Variants in GUCY1A2 observed in about 807,000 individuals in gnomAD.
GUCY1A2 encodes the protein guanylate cyclase soluble subunit alpha-2.
In GUCY1A2, 27 loss-of-function variants were observed where a neutral mutation model predicts 63.5. The observed-to-expected ratio is 0.43, with a 90% CI of 0.31 to 0.59. GUCY1A2 has a LOEUF of 0.59. GUCY1A2 is among the 20% of genes least tolerant of loss of function. The pLI is 0.11. For synonymous variants in GUCY1A2, 364 were observed against 343.5 expected (o/e 1.06, Z -0.66); for missense variants, 768 against 913.3 (o/e 0.84, Z 2.05).
chr11:106,836,486 C>T (rs538491059), intron 4 of GUCY1A2, among the ~76,000 whole-genome samples: 1 of 152,102 alleles, frequency 6.6e-6, no homozygotes, highest in African/African-American at 2.4e-5. Flanking sequence ...CCGCAATATA[C>T]AGTACGTATA....
chr11:106,710,349 A>G (rs1367765638), intron 6 of GUCY1A2, among the ~76,000 whole-genome samples: 3 of 95,400 alleles, frequency 3.1e-5, no homozygotes, highest in African/African-American at 1.3e-4. Context: ...ATATAGTTAT[A>G]TATTATATAC....
rs548246722 is a variant in GUCY1A2, at chr11:107,003,162, T to C, written c.303+14591A>G. ...TATCAAATGTCTTGAGTCAGAGATG[T>C]ATGCCGACAATATCCTTTGTTTACT... On this transcript the variant is annotated intron_variant, in intron 1 of 7. Coordinates refer to ENST00000526355, the MANE Select transcript of GUCY1A2 (RefSeq NM_000855.3). 3.3e-5 allele frequency among the ~76,000 whole-genome samples: 5 copies of C among 152,316 alleles called. No homozygotes were observed. The South Asian group carries it at 1.0e-3, about 32-fold the overall frequency.
chr11:106,685,685 T>A lies in GUCY1A2; in HGVS notation c.*1864A>T, dbSNP rs571035227. 6 of 228,098 alleles carry A rather than the reference T, an allele frequency of 2.6e-5. No homozygotes were observed. The highest frequency in any genetic ancestry group is 1.7e-4 in the Admixed American group (3 of 17,600). The allele number at this position is 228,098 out of a possible 1,614,324, so 14.1% of individuals were successfully genotyped here. ...CATGAGGATTGAGGTGCTCCCAGTCTGCTCTGCTCATACTGGCTGTAAACC... is the reference window on the plus strand; with the variant it reads ...CATGAGGATTGAGGTGCTCCCAGTCAGCTCTGCTCATACTGGCTGTAAACC... On this transcript the variant is annotated 3_prime_UTR_variant, in exon 8 of 8. Transcript: ENST00000526355.
chr11:106,881,993 G>C (rs919007747), intron 4 of GUCY1A2, among the ~76,000 whole-genome samples: 3 of 151,784 alleles, frequency 2.0e-5, no homozygotes, highest in African/African-American at 2.4e-5. Context: ...TCAATTACAA[G>C]GCTTCTAGCA....
chr11:106,936,666 C>G, intron 4 of GUCY1A2: 1 of 1,531,738 alleles, frequency 6.5e-7, no homozygotes, highest in Non-Finnish European at 8.7e-7. Context: ...ACTGTTGAAT[C>G]CTGCCACTGA....
At chr11:106,871,197 A>G (rs948586815) in intron 4 of GUCY1A2, among the ~76,000 whole-genome samples, 3 of 152,208 alleles carry the variant, frequency 2.0e-5, no homozygotes, top group African/African-American at 7.2e-5. Flanking sequence ...AGTAATCTTC[A>G]GAGAAACACA....
chr11:106,826,850 A>C, intron 4 of GUCY1A2: 2 of 1,605,380 alleles, frequency 1.2e-6, no homozygotes, highest in South Asian at 2.2e-5. Context: ...TCAGGAAGGG[A>C]TGTGTGCATA....
Position 106,971,805 on chromosome 11 carries a change from T to G in GUCY1A2, c.487+6814A>C, listed in dbSNP as rs1169272138. The stretch of plus-strand genomic sequence containing the variant: ...GTACAACCAATGCCCAGGTCATGGT[T>G]TCCAATACCATTCTCCAATAAAAGG... On this transcript the variant is annotated intron_variant, in intron 3 of 7. Coordinates refer to ENST00000526355, the MANE Select transcript of GUCY1A2 (RefSeq NM_000855.3). Among the ~76,000 whole-genome samples, 5 of 152,262 alleles carry G rather than the reference T, an allele frequency of 3.3e-5. No homozygotes were observed. The South Asian group carries it at 1.0e-3, about 32-fold the overall frequency.
At chr11:106,942,942 T>TA (rs977404143) in intron 3 of GUCY1A2, among the ~76,000 whole-genome samples, 49 of 151,408 alleles carry the variant, frequency 3.2e-4, no homozygotes, top group African/African-American at 5.3e-4. Flanking sequence ...GTTGTATTAC[T>TA]AAAAAAAAAT....
intron 3 of GUCY1A2, among the ~76,000 whole-genome samples, chr11:106,978,149 C>G (rs936629176): frequency 1.2e-4 from 18 of 152,200 alleles, no homozygotes; most frequent in East Asian, 3.9e-4. Flanking sequence ...AAGTAGGGCA[C>G]AGACACCTCA....
At chr11:106,952,743 T>G (rs1428059539) in intron 3 of GUCY1A2, among the ~76,000 whole-genome samples, 2 of 151,884 alleles carry the variant, frequency 1.3e-5, no homozygotes, top group South Asian at 2.1e-4. Context: ...TGGGTTCAAG[T>G]GATTTTCCTG....
intron 6 of GUCY1A2, among the ~76,000 whole-genome samples, chr11:106,715,611 T>C (rs1475246338): frequency 1.3e-5 from 2 of 152,218 alleles, no homozygotes; most frequent in African/African-American, 4.8e-5. Context: ...TACACAATTA[T>C]TAAATCCAAC....
At chr11:106,899,475 AT>A (rs1860096528) in intron 4 of GUCY1A2, among the ~76,000 whole-genome samples, 1 of 152,200 alleles carries the variant, frequency 6.6e-6, no homozygotes, top group African/African-American at 2.4e-5. Flanking sequence ...AATTTCATGT[AT>A]TGTAAATTAA....
chr11:106,696,436 G>A (rs1252442106), intron 7 of GUCY1A2, among the ~76,000 whole-genome samples: 1 of 152,076 alleles, frequency 6.6e-6, no homozygotes, highest in Non-Finnish European at 1.5e-5. Context: ...TCATCATTGT[G>A]CTGGTCTTTC....
chr11:106,923,586 T>A (rs1860478402), intron 4 of GUCY1A2, among the ~76,000 whole-genome samples: 1 of 130,546 alleles, frequency 7.7e-6, no homozygotes, highest in Non-Finnish European at 1.7e-5. Flanking sequence ...ATTGCAGCAA[T>A]TTTTTTTAAA....
intron 5 of GUCY1A2, among the ~76,000 whole-genome samples, chr11:106,800,181 C>T (rs1274760221): frequency 6.6e-6 from 1 of 152,156 alleles, no homozygotes; most frequent in African/African-American, 2.4e-5. Flanking sequence ...ATCAAAACCA[C>T]AATGAGATAC....
At chr11:106,792,669 G>T (rs1864685357) in intron 5 of GUCY1A2, among the ~76,000 whole-genome samples, 1 of 113,510 alleles carries the variant, frequency 8.8e-6, no homozygotes, top group Admixed American at 9.4e-5. Context: ...ATACTGAATG[G>T]GCAAAAGCTG....
At chr11:106,752,844 G>T (rs556450969) in intron 6 of GUCY1A2, among the ~76,000 whole-genome samples, 19 of 152,240 alleles carry the variant, frequency 1.2e-4, no homozygotes, top group African/African-American at 3.6e-4. Context: ...CTTTATAGTA[G>T]CATGATTTAT....
chr11:106,818,965 T>C lies in GUCY1A2; in HGVS notation c.1207-8487A>G, dbSNP rs79726869. 2.6e-5 allele frequency among the ~76,000 whole-genome samples: 4 copies of C among 152,254 alleles called. No individual in the cohort carries two copies. In the East Asian group the frequency reaches 5.8e-4, roughly 22 times the overall value. ...CTTGAAGGTAGCAGAGGATGGTTCATGAGGTTTAAAGAAGCTGTCTTCAGC... is the reference window on the plus strand; with the variant it reads ...CTTGAAGGTAGCAGAGGATGGTTCACGAGGTTTAAAGAAGCTGTCTTCAGC... On this transcript the variant is annotated intron_variant, in intron 4 of 7. Transcript: ENST00000526355.
Sources: gnomAD v4.1 joint callset for allele counts (sites outside exome capture counted in the v4.1 genomes callset) on GRCh38, gnomAD v4.1.1 for gene constraint, MANE v1.5 for transcripts, NCBI Gene and HGNC (gene_info 2026-07-23, HGNC 2026-07-21) for gene names.